RPS6KC1: variants seen among roughly 807,000 people sequenced by gnomAD.
RPS6KC1 encodes the protein ribosomal protein S6 kinase C1.
RPS6KC1 carries 54 observed loss-of-function variants against 103.8 expected under a neutral mutation model. That is an observed-to-expected ratio of 0.52 (90% CI 0.42 to 0.65). The LOEUF (loss-of-function observed/expected upper bound fraction) is 0.65. RPS6KC1 is among the 30% of genes least tolerant of loss of function. RPS6KC1 has a pLI of 0.00. For missense variants in RPS6KC1, 1,151 were observed against 1,253.8 expected (o/e 0.92, Z 1.24); for synonymous variants, 439 against 438.7 (o/e 1.00, Z -0.01).
At chr1:213,754,726 A>G in the RPS6KC1 span, among the ~76,000 whole-genome samples, 1 of 152,124 alleles carries the variant, frequency 6.6e-6, no homozygotes, top group African/African-American at 2.4e-5. Flanking sequence ...TTTCTTTATA[A>G]ATTACCCAGC....
At chr1:213,634,321 A>G in the RPS6KC1 span, among the ~76,000 whole-genome samples, 4 of 152,230 alleles carry the variant, frequency 2.6e-5, no homozygotes, top group African/African-American at 7.2e-5. Flanking sequence ...TTGACCACAT[A>G]GTTGGAAGTA....
At chr1:213,199,220 T>G (rs991000042) in intron 8 of RPS6KC1, among the ~76,000 whole-genome samples, 28 of 152,216 alleles carry the variant, frequency 1.8e-4, no homozygotes, top group Non-Finnish European at 1.2e-4. Flanking sequence ...TTATTTTTGA[T>G]GAATATCAAG....
chr1:213,200,307 A>T (rs1391184735), intron 8 of RPS6KC1, among the ~76,000 whole-genome samples: 1 of 151,916 alleles, frequency 6.6e-6, no homozygotes, highest in Non-Finnish European at 1.5e-5. Flanking sequence ...ATGGAACAGA[A>T]TAGAGAACCC....
At chr1:213,594,551 T>A in the RPS6KC1 span, among the ~76,000 whole-genome samples, 1 of 152,180 alleles carries the variant, frequency 6.6e-6, no homozygotes, top group Non-Finnish European at 1.5e-5. Context: ...TGAAACTGAC[T>A]TTTAATCAAG....
Position 213,129,828 on chromosome 1 carries a change from C to CT in RPS6KC1, c.775dup (p.Tyr259LeufsTer2). On this transcript the variant is annotated frameshift_variant, in exon 6 of 15. Transcript: ENST00000366960. LOFTEE classifies it high-confidence loss of function. ...CTTTAAAAAAGGAAGAAGAAGACGACTATGAAGCTGCTTCTGATTTTTATA... is the reference window on the plus strand; with the variant it reads ...CTTTAAAAAAGGAAGAAGAAGACGACTTATGAAGCTGCTTCTGATTTTTATA... 6.2e-7 allele frequency: 1 copy of CT among 1,611,854 alleles called. No homozygotes were observed. The highest frequency in any genetic ancestry group is 8.5e-7 in the Non-Finnish European group (1 of 1,179,462).
chr1:213,403,505 G>A, the RPS6KC1 span, among the ~76,000 whole-genome samples: 1 of 152,046 alleles, frequency 6.6e-6, no homozygotes, highest in African/African-American at 2.4e-5. Context: ...CCTTGCCCAC[G>A]TCTTTAAAAA....
chr1:213,114,735 A>G (rs538281393), intron 4 of RPS6KC1, among the ~76,000 whole-genome samples: 2 of 152,178 alleles, frequency 1.3e-5, no homozygotes, highest in African/African-American at 4.8e-5. Flanking sequence ...CGTCCCATCA[A>G]TACCTAATTG....
At chr1:213,738,280 A>G in the RPS6KC1 span, among the ~76,000 whole-genome samples, 1 of 152,208 alleles carries the variant, frequency 6.6e-6, no homozygotes, top group Non-Finnish European at 1.5e-5. Flanking sequence ...AGATGTTAAA[A>G]TGACCACAGA....
At chr1:213,239,790 AT>A (rs1573529766) in intron 10 of RPS6KC1, among the ~76,000 whole-genome samples, 1 of 152,310 alleles carries the variant, frequency 6.6e-6, no homozygotes, top group South Asian at 2.1e-4. Context: ...ATCAAATTTA[AT>A]TAATTATTCT....
the RPS6KC1 span, among the ~76,000 whole-genome samples, chr1:213,768,131 T>C: frequency 6.6e-6 from 1 of 152,202 alleles, no homozygotes; most frequent in South Asian, 2.1e-4. Context: ...GTACTGGCTT[T>C]TATTTTCCAC....
chr1:213,414,103 CT>C, the RPS6KC1 span, among the ~76,000 whole-genome samples: 5 of 152,108 alleles, frequency 3.3e-5, no homozygotes, highest in Non-Finnish European at 7.4e-5. Flanking sequence ...TTTGACAGGC[CT>C]GGAGGTGGGG....
chr1:213,612,374 T>C, the RPS6KC1 span, among the ~76,000 whole-genome samples: 1 of 152,312 alleles, frequency 6.6e-6, no homozygotes, highest in East Asian at 1.9e-4. Context: ...TTTTGTGAAT[T>C]AAAGGACTTT....
At chr1:213,384,299 T>TAA in the RPS6KC1 span, among the ~76,000 whole-genome samples, 7,080 of 151,438 alleles carry the variant, frequency 0.047, 423 homozygotes, top group East Asian at 0.19. Context: ...TATATATATA[T>TAA]AAATCTCAGC....
the RPS6KC1 span, among the ~76,000 whole-genome samples, chr1:213,324,516 T>C: frequency 6.6e-6 from 1 of 151,884 alleles, no homozygotes; most frequent in Non-Finnish European, 1.5e-5. Context: ...TGGAAAATAC[T>C]GGTCTGTGGT....
chr1:213,706,212 C>G, the RPS6KC1 span, among the ~76,000 whole-genome samples: 4 of 152,124 alleles, frequency 2.6e-5, no homozygotes, highest in Admixed American at 2.0e-4. Flanking sequence ...TTTATAGGGC[C>G]CCACATCACT....
Position 213,273,892 on chromosome 1 carries a change from G to T in RPS6KC1, c.*1258G>T, listed in dbSNP as rs559537665. 6.6e-6 allele frequency: 1 copy of T among 152,108 alleles called. No individual in the cohort carries two copies. The highest frequency in any genetic ancestry group is 2.1e-4 in the South Asian group (1 of 4,810). 9.4% of individuals were successfully genotyped at this position (152,108 alleles called of 1,614,324 possible). A position where few individuals can be genotyped will look rare whatever the true frequency, so the allele number is the denominator to read the frequency against. ...ACTATTTCCAAGTTAGAAACCACCAGAAATAATTGAAATTTTTGATATGTT... is the reference window on the plus strand; with the variant it reads ...ACTATTTCCAAGTTAGAAACCACCATAAATAATTGAAATTTTTGATATGTT... On this transcript the variant is annotated 3_prime_UTR_variant, in exon 15 of 15. Coordinates refer to ENST00000366960, the MANE Select transcript of RPS6KC1 (RefSeq NM_012424.6).
At chr1:213,817,795 AG>A in the RPS6KC1 span, 2 of 146,214 alleles carry the variant, frequency 1.4e-5, no homozygotes, top group Non-Finnish European at 3.0e-5. Context: ...CAGATATTAC[AG>A]TTTTTTTTTT....
chr1:213,445,926 C>T, the RPS6KC1 span, among the ~76,000 whole-genome samples: 3 of 152,124 alleles, frequency 2.0e-5, no homozygotes, highest in Admixed American at 6.5e-5. Context: ...CCCTGTGCAC[C>T]GAGGAAGCTG....
the RPS6KC1 span, among the ~76,000 whole-genome samples, chr1:213,756,208 T>C: frequency 6.6e-6 from 1 of 152,200 alleles, no homozygotes; most frequent in Non-Finnish European, 1.5e-5. Context: ...CTGGACCAGA[T>C]CATGGAATAA....
Sources: allele counts gnomAD v4.1 joint callset (sites outside exome capture counted in the v4.1 genomes callset), GRCh38; gene constraint gnomAD v4.1.1; transcripts MANE v1.5; gene names NCBI Gene and HGNC (gene_info 2026-07-23, HGNC 2026-07-21).